The following TRPM3 variants were observed in gnomAD, a reference collection of about 807,000 sequenced individuals.
The protein encoded by TRPM3 is transient receptor potential cation channel subfamily M member 3.
In TRPM3, 77 loss-of-function variants were observed where a neutral mutation model predicts 181.2. That is an observed-to-expected ratio of 0.42 (90% CI 0.35 to 0.51). The LOEUF (loss-of-function observed/expected upper bound fraction) is 0.51, where lower values mean the gene tolerates loss of function less well. TRPM3 is among the 20% of genes least tolerant of loss of function. The pLI is 0.01. For synonymous variants in TRPM3, 745 were observed against 796.4 expected (o/e 0.94, Z 1.09); for missense variants, 1,759 against 2,196.7 (o/e 0.80, Z 3.98).
At chr9:71,070,030 CTTAG>C (rs2062525553) in intron 1 of TRPM3, among the ~76,000 whole-genome samples, 1 of 152,160 alleles carries the variant, frequency 6.6e-6, no homozygotes, top group African/African-American at 2.4e-5. Context: ...TATCATTCTG[CTTAG>C]TTTTTATTTT....
chr9:71,098,593 G>T (rs1276015268), intron 1 of TRPM3, among the ~76,000 whole-genome samples: 1 of 152,112 alleles, frequency 6.6e-6, no homozygotes, highest in Non-Finnish European at 1.5e-5. Flanking sequence ...AAATCACTTA[G>T]CCTCGCTAGA....
chr9:70,921,789 A>G (rs544715887), intron 1 of TRPM3, among the ~76,000 whole-genome samples: 60 of 152,232 alleles, frequency 3.9e-4, no homozygotes, highest in African/African-American at 1.4e-3. Context: ...AGAGGCCCAC[A>G]TGTCAGGGAA....
intron 1 of TRPM3, among the ~76,000 whole-genome samples, chr9:70,995,745 G>C (rs1248815945): frequency 6.6e-6 from 1 of 152,004 alleles, no homozygotes; most frequent in African/African-American, 2.4e-5. Context: ...AGCATGCCAG[G>C]CTCTTAAAAA....
chr9:71,203,992 G>T (rs1303244272), intron 1 of TRPM3, among the ~76,000 whole-genome samples: 1 of 152,020 alleles, frequency 6.6e-6, no homozygotes. Flanking sequence ...ATGGTGCTGG[G>T]AAAACTGGCT....
At chr9:71,027,849 C>T (rs2056774960) in intron 1 of TRPM3, among the ~76,000 whole-genome samples, 1 of 151,978 alleles carries the variant, frequency 6.6e-6, no homozygotes, top group African/African-American at 2.4e-5. Context: ...CACTGGAATC[C>T]CTGAAAGAGA....
At chr9:71,178,275 G>A (rs992427502) in intron 1 of TRPM3, among the ~76,000 whole-genome samples, 18 of 152,034 alleles carry the variant, frequency 1.2e-4, no homozygotes, top group East Asian at 5.8e-4. Context: ...GAAAGCGGGT[G>A]CATAAACTCA....
intron 8 of TRPM3, among the ~76,000 whole-genome samples, chr9:70,697,685 G>A (rs2070987846): frequency 6.6e-6 from 1 of 152,134 alleles, no homozygotes; most frequent in African/African-American, 2.4e-5. Context: ...ACTGTTGCAT[G>A]TCACATGTAA....
intron 1 of TRPM3, among the ~76,000 whole-genome samples, chr9:71,159,376 A>C (rs1350476446): frequency 6.6e-6 from 1 of 152,100 alleles, no homozygotes; most frequent in Non-Finnish European, 1.5e-5. Flanking sequence ...TCCCTGCTAT[A>C]GATAGAATCA....
intron 1 of TRPM3, among the ~76,000 whole-genome samples, chr9:71,240,676 A>T (rs2081610293): frequency 1.3e-5 from 2 of 151,484 alleles, no homozygotes; most frequent in Non-Finnish European, 2.9e-5. Context: ...TTTGTAAAAA[A>T]AGTTATTTTA....
intron 5 of TRPM3, among the ~76,000 whole-genome samples, chr9:70,832,340 A>G (rs368784780): frequency 1.3e-5 from 2 of 152,116 alleles, no homozygotes; most frequent in East Asian, 1.9e-4. Flanking sequence ...ATTTGCTTAG[A>G]AATGGATTTT....
intron 9 of TRPM3, among the ~76,000 whole-genome samples, chr9:70,661,549 C>A (rs771551211): frequency 4.9e-4 from 75 of 152,210 alleles, no homozygotes; most frequent in African/African-American, 1.7e-3. Flanking sequence ...CCTAAAGACT[C>A]ATCCAAAAAG....
chr9:71,284,306 T>C (rs968587498), intron 1 of TRPM3, among the ~76,000 whole-genome samples: 10 of 152,230 alleles, frequency 6.6e-5, no homozygotes, highest in Admixed American at 2.0e-4. Flanking sequence ...CATCTAGTGA[T>C]TCAGGATAAT....
intron 1 of TRPM3, among the ~76,000 whole-genome samples, chr9:71,350,243 T>G (rs2091544605): frequency 6.6e-6 from 1 of 152,156 alleles, no homozygotes; most frequent in Non-Finnish European, 1.5e-5. Flanking sequence ...ATTTAATCTC[T>G]TCAAGGTATT....
intron 1 of TRPM3, among the ~76,000 whole-genome samples, chr9:70,965,361 A>T (rs1252315353): frequency 1.3e-5 from 2 of 152,110 alleles, no homozygotes; most frequent in African/African-American, 4.8e-5. Context: ...GTTGCATTTT[A>T]TCCCCCCCTT....
intron 1 of TRPM3, among the ~76,000 whole-genome samples, chr9:70,868,261 A>G (rs1332415228): frequency 6.6e-6 from 1 of 151,968 alleles, no homozygotes; most frequent in Non-Finnish European, 1.5e-5. Flanking sequence ...TGTGATGTGT[A>G]ATAGGGAAGT....
At chr9:71,170,786 T>G (rs529968854) in intron 1 of TRPM3, among the ~76,000 whole-genome samples, 17 of 152,216 alleles carry the variant, frequency 1.1e-4, no homozygotes, top group African/African-American at 3.4e-4. Flanking sequence ...CTGCACAAAT[T>G]GTACAGCATG....
upstream of TRPM3, among the ~76,000 whole-genome samples, chr9:71,125,540 G>C (rs1385793887): frequency 6.6e-6 from 1 of 152,036 alleles, no homozygotes; most frequent in Non-Finnish European, 1.5e-5. Context: ...TTCTTTTTAT[G>C]GCTGCATAGT....
At chr9:71,140,815 C>T (rs192795204) in intron 1 of TRPM3, among the ~76,000 whole-genome samples, 10 of 152,200 alleles carry the variant, frequency 6.6e-5, no homozygotes, top group African/African-American at 2.2e-4. Context: ...TTTATAAATG[C>T]AGTATAGTGA....
intron 9 of TRPM3, among the ~76,000 whole-genome samples, chr9:70,648,735 C>A (rs1298040107): frequency 3.9e-5 from 6 of 152,000 alleles, no homozygotes; most frequent in African/African-American, 1.2e-4. Flanking sequence ...CACTAACAAG[C>A]AATAGGGCAA....
Sources: allele counts gnomAD v4.1 joint callset (sites outside exome capture counted in the v4.1 genomes callset), GRCh38; gene constraint gnomAD v4.1.1; transcripts MANE v1.5; gene names NCBI Gene and HGNC (gene_info 2026-07-23, HGNC 2026-07-21).